SEM1: variants seen among roughly 807,000 people sequenced by gnomAD.
SEM1 encodes SEM1 26S proteasome subunit, also known as 26S proteasome complex subunit SEM1.
Under a neutral mutation model 12.7 loss-of-function variants are expected in SEM1, and 3 were observed. That is an observed-to-expected ratio of 0.24 (90% CI 0.11 to 0.61). The LOEUF (loss-of-function observed/expected upper bound fraction) is 0.61, where lower values mean the gene tolerates loss of function less well. SEM1 is among the 20% of genes least tolerant of loss of function. The pLI, the probability that SEM1 is intolerant of heterozygous loss-of-function variation, is 0.88. For synonymous variants in SEM1, 30 were observed against 27.8 expected (o/e 1.08, Z -0.25); for missense variants, 59 against 81.3 (o/e 0.73, Z 1.06).
chr7:96,558,444 A>T (rs149784655), intron 2 of SEM1, among the ~76,000 whole-genome samples: 3 of 152,318 alleles, frequency 2.0e-5, no homozygotes, highest in African/African-American at 7.2e-5. Context: ...ACCTGGGATG[A>T]GTTTAATCAG....
intron 1 of SEM1, among the ~76,000 whole-genome samples, chr7:96,700,517 G>A (rs906097887): frequency 2.0e-5 from 3 of 151,992 alleles, no homozygotes; most frequent in African/African-American, 4.8e-5. Context: ...TGTGAATATC[G>A]TACTTCCTTT....
chr7:96,591,813 G>GTTT (rs71127462), intron 2 of SEM1, among the ~76,000 whole-genome samples: 64 of 146,740 alleles, frequency 4.4e-4, no homozygotes, highest in Non-Finnish European at 5.7e-4. Context: ...AGGCAATGGA[G>GTTT]TTTTTTTTTT....
At chr7:96,661,214 C>T (rs1271422322) in intron 2 of SEM1, among the ~76,000 whole-genome samples, 1 of 152,162 alleles carries the variant, frequency 6.6e-6, no homozygotes, top group African/African-American at 2.4e-5. Context: ...CTCCTCATCA[C>T]TATCCTTTGC....
At chr7:96,532,890 G>T (rs550925377) in intron 2 of SEM1, among the ~76,000 whole-genome samples, 1 of 152,038 alleles carries the variant, frequency 6.6e-6, no homozygotes, top group South Asian at 2.1e-4. Flanking sequence ...GAGGATCAAA[G>T]CTGGCTGGAG....
chr7:96,690,303 T>C (rs541983802), intron 2 of SEM1, among the ~76,000 whole-genome samples: 148 of 152,288 alleles, frequency 9.7e-4, no homozygotes, highest in African/African-American at 3.5e-3. Flanking sequence ...GTAACAAGTA[T>C]ACCAAATCTG....
chr7:96,639,397 G>A (rs972804095), intron 2 of SEM1, among the ~76,000 whole-genome samples: 1 of 151,872 alleles, frequency 6.6e-6, no homozygotes, highest in Non-Finnish European at 1.5e-5. Context: ...AGAGATCAAC[G>A]AAACAGAATA....
intron 1 of SEM1, among the ~76,000 whole-genome samples, chr7:96,700,476 T>G (rs1790236434): frequency 6.6e-6 from 1 of 152,198 alleles, no homozygotes; most frequent in Non-Finnish European, 1.5e-5. Flanking sequence ...CAAGTGGTAG[T>G]CAGCCCTCTC....
At chr7:96,632,842 G>C (rs2116346332) in intron 2 of SEM1, among the ~76,000 whole-genome samples, 1 of 149,806 alleles carries the variant, frequency 6.7e-6, no homozygotes, top group Admixed American at 6.7e-5. Context: ...GGGGTTGGGG[G>C]ACAATCGGTG....
At chr7:96,498,375 G>GTC (rs1485883907), upstream of SEM1, among the ~76,000 whole-genome samples, 1 of 70,616 alleles carries the variant, frequency 1.4e-5, no homozygotes, top group African/African-American at 7.3e-5. Context: ...GTGCACGTGT[G>GTC]TCTGTGTAAG....
chr7:96,663,420 C>T (rs1789072975), intron 2 of SEM1, among the ~76,000 whole-genome samples: 2 of 152,136 alleles, frequency 1.3e-5, no homozygotes, highest in South Asian at 4.1e-4. Flanking sequence ...TTGCTGGGGA[C>T]AGCACCTGTG....
chr7:96,676,972 TAAAAGA>T (rs1789464760), intron 2 of SEM1, among the ~76,000 whole-genome samples: 1 of 152,184 alleles, frequency 6.6e-6, no homozygotes, highest in Non-Finnish European at 1.5e-5. Flanking sequence ...CCATTCCCCA[TAAAAGA>T]AAATTAGATT....
At chr7:96,535,218 T>A (rs1804751095) in intron 2 of SEM1, among the ~76,000 whole-genome samples, 1 of 151,936 alleles carries the variant, frequency 6.6e-6, no homozygotes, top group Non-Finnish European at 1.5e-5. Context: ...TTTGTAAAAT[T>A]TTGCATTAAA....
intron 2 of SEM1, among the ~76,000 whole-genome samples, chr7:96,532,456 G>A (rs1804669768): frequency 6.6e-6 from 1 of 152,148 alleles, no homozygotes; most frequent in Non-Finnish European, 1.5e-5. Context: ...TTTACTATGA[G>A]AATTTGAGTG....
intron 2 of SEM1, among the ~76,000 whole-genome samples, chr7:96,637,746 G>A (rs927953298): frequency 1.3e-5 from 2 of 151,930 alleles, no homozygotes; most frequent in African/African-American, 4.8e-5. Flanking sequence ...TTTGGGTATG[G>A]ACAGATGGCC....
chr7:96,707,127 T>G (rs1031641061), intron 1 of SEM1, among the ~76,000 whole-genome samples: 4 of 152,214 alleles, frequency 2.6e-5, no homozygotes, highest in African/African-American at 9.6e-5. Flanking sequence ...ACTGATTAAG[T>G]AGGTCTAGGT....
chr7:96,701,963 T>C (rs1299188960), intron 1 of SEM1, among the ~76,000 whole-genome samples: 1 of 152,026 alleles, frequency 6.6e-6, no homozygotes, highest in Non-Finnish European at 1.5e-5. Flanking sequence ...ATGGTGTGGC[T>C]GGTGTGTCAG....
chr7:96,584,287 A>C (rs1806530619), intron 2 of SEM1, among the ~76,000 whole-genome samples: 3 of 152,122 alleles, frequency 2.0e-5, no homozygotes, highest in Admixed American at 2.0e-4. Flanking sequence ...AGAATGTTGA[A>C]TATTGGCCCC....
At chr7:96,514,681 C>A (rs1019310473) in intron 2 of SEM1, among the ~76,000 whole-genome samples, 1 of 149,460 alleles carries the variant, frequency 6.7e-6, no homozygotes, top group Non-Finnish European at 1.5e-5. Flanking sequence ...AAAAATGAAG[C>A]AGTTAGGTAT....
chr7:96,650,797 C>A (rs1346080733), intron 2 of SEM1, among the ~76,000 whole-genome samples: 2 of 152,098 alleles, frequency 1.3e-5, no homozygotes, highest in Non-Finnish European at 2.9e-5. Context: ...TATCTTTAGA[C>A]AGTGACCTTT....
Sources: allele counts gnomAD v4.1 joint callset (sites outside exome capture counted in the v4.1 genomes callset), GRCh38; gene constraint gnomAD v4.1.1; transcripts MANE v1.5; gene names NCBI Gene and HGNC (gene_info 2026-07-23, HGNC 2026-07-21).